The following ENTREP2 variants were observed in gnomAD, a reference collection of about 807,000 sequenced individuals.
ENTREP2 encodes the protein endosomal transmembrane epsin interactor 2, also known as protein ENTREP2.
chr15:29,556,888 T>C, the ENTREP2 span, among the ~76,000 whole-genome samples: 6 of 151,940 alleles, frequency 3.9e-5, no homozygotes, highest in East Asian at 9.8e-4. Flanking sequence ...GGGTGCAGGA[T>C]GGGGCAGCCA....
chr15:29,234,387 T>C, the ENTREP2 span: 1 of 1,557,796 alleles, frequency 6.4e-7, no homozygotes, highest in South Asian at 1.1e-5. Context: ...CAGGACTTAT[T>C]ATTAAGATGG....
chr15:29,303,267 C>A, the ENTREP2 span, among the ~76,000 whole-genome samples: 1 of 152,208 alleles, frequency 6.6e-6, no homozygotes, highest in Non-Finnish European at 1.5e-5. Context: ...TTGTTTGCAG[C>A]TATTTCAGCC....
At chr15:29,215,621 G>A in the ENTREP2 span, among the ~76,000 whole-genome samples, 2 of 151,288 alleles carry the variant, frequency 1.3e-5, no homozygotes, top group African/African-American at 2.4e-5. Flanking sequence ...TCCCTCTAGA[G>A]AACCTAGACT....
chr15:29,556,926 T>C, the ENTREP2 span, among the ~76,000 whole-genome samples: 1 of 152,170 alleles, frequency 6.6e-6, no homozygotes, highest in African/African-American at 2.4e-5. Context: ...CTCCATCCCA[T>C]GGCCAAAGGG....
At chr15:29,235,559 T>C in the ENTREP2 span, among the ~76,000 whole-genome samples, 3 of 152,150 alleles carry the variant, frequency 2.0e-5, no homozygotes, top group African/African-American at 7.2e-5. Flanking sequence ...TATCAAAATA[T>C]GTGGAGTGCA....
At chr15:29,444,234 GAAAGAAAGAAAGAAAGA>G in the ENTREP2 span, among the ~76,000 whole-genome samples, 5 of 144,088 alleles carry the variant, frequency 3.5e-5, no homozygotes, top group Non-Finnish European at 7.8e-5. Context: ...AAGAAAGAAA[GAAAGAAAGAAAGAAAGA>G]GAAAGAGAAA....
At chr15:29,475,195 A>G in the ENTREP2 span, among the ~76,000 whole-genome samples, 1 of 152,146 alleles carries the variant, frequency 6.6e-6, no homozygotes, top group Non-Finnish European at 1.5e-5. Context: ...CTCACTGCAC[A>G]GATGCCAATA....
chr15:29,475,583 G>T, the ENTREP2 span, among the ~76,000 whole-genome samples: 1 of 152,134 alleles, frequency 6.6e-6, no homozygotes, highest in Non-Finnish European at 1.5e-5. Flanking sequence ...AGTAGGGGGC[G>T]AGGGGGCAGT....
chr15:29,427,528 C>G, the ENTREP2 span, among the ~76,000 whole-genome samples: 9 of 152,176 alleles, frequency 5.9e-5, no homozygotes, highest in Non-Finnish European at 1.0e-4. Context: ...GAGTCCCTTT[C>G]CTTGCCTTCT....
the ENTREP2 span, among the ~76,000 whole-genome samples, chr15:29,567,082 C>CA: frequency 2.0e-5 from 3 of 152,196 alleles, no homozygotes; most frequent in African/African-American, 7.2e-5. Context: ...CATTACCTCT[C>CA]AAAATGGGCA....
chr15:29,336,397 G>T, the ENTREP2 span, among the ~76,000 whole-genome samples: 7 of 151,866 alleles, frequency 4.6e-5, no homozygotes, highest in Non-Finnish European at 4.4e-5. Context: ...CTGCAGCCTT[G>T]ATCTCCCAGG....
At chr15:29,233,835 G>A in the ENTREP2 span, 1 of 1,580,278 alleles carries the variant, frequency 6.3e-7, no homozygotes, top group Non-Finnish European at 8.7e-7. Context: ...GATTAAAAAG[G>A]AGTAGAATGA....
chr15:29,352,278 G>A, the ENTREP2 span, among the ~76,000 whole-genome samples: 1 of 152,106 alleles, frequency 6.6e-6, no homozygotes, highest in Non-Finnish European at 1.5e-5. Context: ...TAGAATGATG[G>A]AGGTTAACAC....
chr15:29,587,424 A>T, the ENTREP2 span, among the ~76,000 whole-genome samples: 5 of 152,256 alleles, frequency 3.3e-5, no homozygotes, highest in Non-Finnish European at 7.4e-5. Flanking sequence ...TTTGCTAAAG[A>T]TTAAAACAAT....
chr15:29,303,611 G>A, the ENTREP2 span, among the ~76,000 whole-genome samples: 1 of 152,154 alleles, frequency 6.6e-6, no homozygotes. Context: ...CACAGTACCC[G>A]ACAGGTAGTG....
chr15:29,410,133 G>A, the ENTREP2 span, among the ~76,000 whole-genome samples: 2 of 152,128 alleles, frequency 1.3e-5, no homozygotes, highest in Non-Finnish European at 2.9e-5. Flanking sequence ...TTGTTTGTAT[G>A]TTTGCTTTGC....
the ENTREP2 span, among the ~76,000 whole-genome samples, chr15:29,319,709 C>A: frequency 3.9e-5 from 6 of 152,220 alleles, no homozygotes; most frequent in East Asian, 1.2e-3. Context: ...GCAGAACAAA[C>A]TGCCACTGGG....
At chr15:29,420,115 C>T in the ENTREP2 span, among the ~76,000 whole-genome samples, 1 of 152,188 alleles carries the variant, frequency 6.6e-6, no homozygotes, top group Non-Finnish European at 1.5e-5. Context: ...ACCCATTGTG[C>T]ACCTCAGAAC....
the ENTREP2 span, among the ~76,000 whole-genome samples, chr15:29,665,139 C>G: frequency 1.3e-5 from 2 of 152,238 alleles, no homozygotes; most frequent in Admixed American, 6.5e-5. Context: ...CAGCCAGAGA[C>G]CTCTGCAGGG....
Sources: gnomAD v4.1 joint callset for allele counts (sites outside exome capture counted in the v4.1 genomes callset) on GRCh38, gnomAD v4.1.1 for gene constraint, MANE v1.5 for transcripts, NCBI Gene and HGNC (gene_info 2026-07-23, HGNC 2026-07-21) for gene names.